HS3ST5: variants seen among roughly 807,000 people sequenced by gnomAD.
The protein encoded by HS3ST5 is heparan sulfate-glucosamine 3-sulfotransferase 5, also known as heparan sulfate glucosamine 3-O-sulfotransferase 5.
In HS3ST5, 10 loss-of-function variants were observed where a neutral mutation model predicts 25.4. The observed-to-expected ratio is 0.39, with a 90% CI of 0.24 to 0.67. HS3ST5 has a LOEUF of 0.67. HS3ST5 is among the 30% of genes least tolerant of loss of function. The pLI is 0.44. For synonymous variants in HS3ST5, 170 were observed against 162.4 expected (o/e 1.05, Z -0.36); for missense variants, 324 against 420.7 (o/e 0.77, Z 2.01).
chr6:114,135,738 G>A (rs1777565310), intron 3 of HS3ST5, among the ~76,000 whole-genome samples: 1 of 152,160 alleles, frequency 6.6e-6, no homozygotes, highest in Non-Finnish European at 1.5e-5. Flanking sequence ...CACATGCCAG[G>A]CATAGTGTTT....
intron 3 of HS3ST5, chr6:114,084,085 CTTTT>C (rs367546368): frequency 3.7e-5 from 17 of 463,596 alleles, no homozygotes; most frequent in Admixed American, 1.1e-4. Flanking sequence ...ATTTTCTTTT[CTTTT>C]TTTTTTTTTT....
At chr6:114,203,561 T>C (rs1307107828) in intron 2 of HS3ST5, among the ~76,000 whole-genome samples, 4 of 152,184 alleles carry the variant, frequency 2.6e-5, no homozygotes, top group Non-Finnish European at 4.4e-5. Context: ...CTTTGAGATA[T>C]TTTTCAGACT....
At chr6:114,157,538 T>C (rs1244546292) in intron 3 of HS3ST5, among the ~76,000 whole-genome samples, 1 of 152,154 alleles carries the variant, frequency 6.6e-6, no homozygotes, top group Non-Finnish European at 1.5e-5. Context: ...TTAATAATAG[T>C]GTACTGTACA....
chr6:114,262,365 G>A (rs770123321), intron 1 of HS3ST5, among the ~76,000 whole-genome samples: 11 of 152,136 alleles, frequency 7.2e-5, no homozygotes, highest in Non-Finnish European at 1.3e-4. Flanking sequence ...GGCTAACATG[G>A]TGAAATCCCA....
chr6:114,176,631 T>C (rs901578142), intron 2 of HS3ST5, among the ~76,000 whole-genome samples: 1 of 151,834 alleles, frequency 6.6e-6, no homozygotes, highest in African/African-American at 2.4e-5. Flanking sequence ...GGAAGTGGAG[T>C]CAGATTGGCA....
At chr6:114,271,313 C>G (rs992963726) in intron 1 of HS3ST5, among the ~76,000 whole-genome samples, 3 of 152,044 alleles carry the variant, frequency 2.0e-5, no homozygotes, top group Non-Finnish European at 4.4e-5. Context: ...TCTTACTAAT[C>G]TCTACCAATT....
intron 3 of HS3ST5, among the ~76,000 whole-genome samples, chr6:114,064,486 TTG>T (rs1295947876): frequency 6.6e-6 from 1 of 152,196 alleles, no homozygotes; most frequent in Non-Finnish European, 1.5e-5. Context: ...TAAAATTTTT[TTG>T]TGTGTGTGGA....
intron 3 of HS3ST5, among the ~76,000 whole-genome samples, chr6:114,134,561 AGTT>A (rs1242200099): frequency 2.0e-5 from 3 of 152,210 alleles, no homozygotes; most frequent in African/African-American, 7.2e-5. Context: ...ATTCTAGCTC[AGTT>A]GTTCTCAGCC....
chr6:114,326,115 C>CA (rs1330868367), intron 1 of HS3ST5, among the ~76,000 whole-genome samples: 5 of 151,672 alleles, frequency 3.3e-5, no homozygotes, highest in Non-Finnish European at 5.9e-5. Flanking sequence ...AGTAGGCCCA[C>CA]TGGGCCTGGT....
At chr6:114,252,211 C>A (rs1772697635) in intron 1 of HS3ST5, among the ~76,000 whole-genome samples, 1 of 151,686 alleles carries the variant, frequency 6.6e-6, no homozygotes, top group South Asian at 2.1e-4. Context: ...TGCCTTCATG[C>A]AGATTATTGC....
chr6:114,296,967 A>G (rs1454817552), intron 1 of HS3ST5, among the ~76,000 whole-genome samples: 1 of 152,210 alleles, frequency 6.6e-6, no homozygotes, highest in Non-Finnish European at 1.5e-5. Context: ...GGGGTCTTGC[A>G]GCAAAATGGG....
intron 1 of HS3ST5, among the ~76,000 whole-genome samples, chr6:114,279,611 T>C (rs1165760288): frequency 6.6e-6 from 1 of 151,978 alleles, no homozygotes; most frequent in African/African-American, 2.4e-5. Flanking sequence ...CTGAAGGCTG[T>C]CCCCATTTTA....
chr6:114,327,212 T>A (rs1419452245), intron 1 of HS3ST5, among the ~76,000 whole-genome samples: 1 of 152,200 alleles, frequency 6.6e-6, no homozygotes, highest in Non-Finnish European at 1.5e-5. Context: ...TTGGTGGTCA[T>A]AATGTACTTG....
At chr6:114,333,310 T>C (rs1249833850) in intron 1 of HS3ST5, among the ~76,000 whole-genome samples, 1 of 152,202 alleles carries the variant, frequency 6.6e-6, no homozygotes, top group East Asian at 1.9e-4. Flanking sequence ...TTTCTCACTT[T>C]TCTTGGATGT....
At chr6:114,063,748 A>T (rs1773281703) in intron 3 of HS3ST5, among the ~76,000 whole-genome samples, 1 of 152,202 alleles carries the variant, frequency 6.6e-6, no homozygotes, top group Non-Finnish European at 1.5e-5. Flanking sequence ...GACTATCAGG[A>T]TGTCACATGT....
chr6:114,110,837 C>T (rs1438000973), intron 3 of HS3ST5, among the ~76,000 whole-genome samples: 1 of 152,114 alleles, frequency 6.6e-6, no homozygotes, highest in Non-Finnish European at 1.5e-5. Flanking sequence ...ATTAGTTTGA[C>T]AAAATATTTA....
At chr6:114,230,950 C>A (rs1425403955) in intron 1 of HS3ST5, among the ~76,000 whole-genome samples, 1 of 152,058 alleles carries the variant, frequency 6.6e-6, no homozygotes, top group African/African-American at 2.4e-5. Context: ...AAACAAAGAG[C>A]TCTCTTTGTC....
intron 3 of HS3ST5, among the ~76,000 whole-genome samples, chr6:114,145,418 AT>A (rs1325338848): frequency 5.3e-5 from 8 of 152,196 alleles, no homozygotes; most frequent in Admixed American, 2.6e-4. Context: ...AGCCTGGCTT[AT>A]CTGAGCCCTG....
At chr6:114,254,811 G>A (rs957946000) in intron 1 of HS3ST5, among the ~76,000 whole-genome samples, 3 of 152,076 alleles carry the variant, frequency 2.0e-5, no homozygotes, top group African/African-American at 7.2e-5. Context: ...GAGGGAAATT[G>A]CTGCCATGAT....
Sources: allele counts gnomAD v4.1 joint callset (sites outside exome capture counted in the v4.1 genomes callset), GRCh38; gene constraint gnomAD v4.1.1; transcripts MANE v1.5; gene names NCBI Gene and HGNC (gene_info 2026-07-23, HGNC 2026-07-21).